Variants in PAK3 observed in about 807,000 individuals in gnomAD.
The protein encoded by PAK3 is p21 (RAC1) activated kinase 3.
In PAK3, 4 loss-of-function variants were observed where a neutral mutation model predicts 41.0. The ratio of observed to expected loss-of-function variants is 0.10; its 90% CI spans 0.05 to 0.22. PAK3 has a LOEUF of 0.22. PAK3 is among the 10% of genes least tolerant of loss of function. The pLI, the probability that PAK3 is intolerant of heterozygous loss-of-function variation, is 1.00. For synonymous variants in PAK3, 146 were observed against 139.6 expected, an observed-to-expected ratio of 1.05 and a Z score of -0.32; for missense variants, 205 against 409.9, an observed-to-expected ratio of 0.50 and a Z score of 4.32.
At chrX:111,070,342 T>G (rs2092734159) in intron 1 of PAK3, among the ~76,000 whole-genome samples, 1 of 111,149 alleles carries the variant, frequency 9.0e-6, no homozygotes, top group Non-Finnish European at 1.9e-5. Flanking sequence ...TGTGTATGCT[T>G]CCAGTGAGGT....
chrX:111,186,418 T>G (rs1227063480), intron 11 of PAK3, among the ~76,000 whole-genome samples: 6 of 111,637 alleles, frequency 5.4e-5, no homozygotes, highest in Non-Finnish European at 9.4e-5. Context: ...AAAATCTCCT[T>G]AAGCTGATAA....
chrX:111,165,495 C>G (rs190805521), intron 10 of PAK3, among the ~76,000 whole-genome samples: 9 of 112,223 alleles, frequency 8.0e-5, no homozygotes, highest in African/African-American at 2.6e-4. Flanking sequence ...AAAGTTTGAA[C>G]TGAGACCAGT....
At position 111,208,796 on chromosome X, in the gene PAK3, G is replaced by A. The variant is rs754664451; in HGVS notation, c.1408-7625G>A. ...ATGGCATTTACATTGTATTAGGTAGGTATCATAAACAATCCAGAGATGATT... is the reference window on the plus strand; with the variant it reads ...ATGGCATTTACATTGTATTAGGTAGATATCATAAACAATCCAGAGATGATT... On this transcript the variant is annotated intron_variant, in intron 16 of 17. Coordinates refer to ENST00000372007, the MANE Select transcript of PAK3 (RefSeq NM_002578.5). Among the ~76,000 whole-genome samples, 151 of 111,790 alleles carry A rather than the reference G, an allele frequency of 1.4e-3. 1 individual carries two copies. The highest frequency in any genetic ancestry group is 2.2e-3 in the Non-Finnish European group (119 of 53,162).
At chrX:110,971,713 G>A (rs2091211067) in intron 1 of PAK3, among the ~76,000 whole-genome samples, 1 of 110,574 alleles carries the variant, frequency 9.0e-6, no homozygotes, top group Non-Finnish European at 1.9e-5. Flanking sequence ...TTCTTTTCTT[G>A]ACTATGCTGT....
chrX:111,031,136 A>G (rs73537201), intron 1 of PAK3, among the ~76,000 whole-genome samples: 1,706 of 112,350 alleles, frequency 0.015, 31 homozygotes, highest in African/African-American at 0.053. Flanking sequence ...ACTGCAAGAC[A>G]TTTGTCTCAC....
intron 1 of PAK3, among the ~76,000 whole-genome samples, chrX:111,022,242 C>T (rs2092196770): frequency 9.0e-6 from 1 of 111,726 alleles, no homozygotes; most frequent in Non-Finnish European, 1.9e-5. Context: ...TATCTAAAGT[C>T]AAGACAAAGA....
intron 4 of PAK3, among the ~76,000 whole-genome samples, chrX:111,122,252 T>A: frequency 1.7e-5 from 1 of 59,734 alleles, no homozygotes; most frequent in Non-Finnish European, 2.7e-5. Flanking sequence ...TGAGACTCCA[T>A]CTGAAAAAAA....
rs916875781 is a variant in PAK3 at position 111,191,120 on chromosome X, T to G, written c.831-1007T>G. Reference sequence around the variant, plus strand: ...TTTTTTTGAGACATGGACTGGCTCATTATTAATTTTTTTGAGACACCAGGC... The same window carrying G: ...TTTTTTTGAGACATGGACTGGCTCAGTATTAATTTTTTTGAGACACCAGGC... On this transcript the variant is annotated intron_variant, in intron 11 of 17. Coordinates refer to ENST00000372007, the MANE Select transcript of PAK3 (RefSeq NM_002578.5). Among the ~76,000 whole-genome samples, 5 of 111,865 alleles carry G rather than the reference T, an allele frequency of 4.5e-5. No homozygotes were observed. The South Asian group carries it at 1.9e-3, about 42-fold the overall frequency.
chrX:111,012,390 T>C (rs1218479930), intron 1 of PAK3, among the ~76,000 whole-genome samples: 1 of 111,655 alleles, frequency 9.0e-6, no homozygotes. Flanking sequence ...AAATGGTGGG[T>C]TGTAATTTAT....
At chrX:111,071,697 A>G (rs1274978284) in intron 1 of PAK3, among the ~76,000 whole-genome samples, 3 of 112,163 alleles carry the variant, frequency 2.7e-5, no homozygotes, top group African/African-American at 6.5e-5. Context: ...TTTCTTGAAC[A>G]TGGCTTATTT....
intron 13 of PAK3, among the ~76,000 whole-genome samples, chrX:111,193,605 C>A (rs1168277418): frequency 9.0e-6 from 1 of 110,526 alleles, no homozygotes; most frequent in Non-Finnish European, 1.9e-5. Flanking sequence ...CCACCTTGGC[C>A]TCCCAAAGTG....
chrX:111,198,670 G>C (rs1166503178), intron 16 of PAK3, among the ~76,000 whole-genome samples: 1 of 110,734 alleles, frequency 9.0e-6, no homozygotes, highest in Non-Finnish European at 1.9e-5. Context: ...TCTCTCACCT[G>C]TCCTATTCAT....
rs746793475 is a variant in PAK3, at chrX:111,172,918, C to A, written c.767-100C>A. Reference sequence around the variant, plus strand: ...TCACTGACTCTGGCATCTTAATTTTCATTATTAAATTAAAAAACAGTCAAT... The same window carrying A: ...TCACTGACTCTGGCATCTTAATTTTAATTATTAAATTAAAAAACAGTCAAT... On this transcript the variant is annotated intron_variant, in intron 10 of 17. Transcript: ENST00000372007. The A allele has an allele frequency of 1.7e-4, 95 of 547,379 alleles. 2 individuals carry two copies. The South Asian group carries it at 2.4e-3, about 14-fold the overall frequency. 45.1% of individuals were successfully genotyped at this position (547,379 alleles called of 1,213,427 possible). A position where few individuals can be genotyped will look rare whatever the true frequency, so the allele number is the denominator to read the frequency against.
At chrX:110,972,686 C>A (rs986830697) in intron 1 of PAK3, among the ~76,000 whole-genome samples, 1 of 111,723 alleles carries the variant, frequency 9.0e-6, no homozygotes, top group African/African-American at 3.3e-5. Context: ...TCGCCAGCAA[C>A]GGAACAAAGC....
intron 1 of PAK3, among the ~76,000 whole-genome samples, chrX:110,956,328 C>A (rs762486193): frequency 3.5e-4 from 39 of 111,443 alleles, no homozygotes; most frequent in Non-Finnish European, 6.8e-4. Flanking sequence ...GGTACACAGA[C>A]GTGCTCAATA....
chrX:110,955,993 G>T (rs1485860390), intron 1 of PAK3, among the ~76,000 whole-genome samples: 1 of 112,087 alleles, frequency 8.9e-6, no homozygotes, highest in Non-Finnish European at 1.9e-5. Flanking sequence ...GTCTTGGAAA[G>T]TTTCTTAACC....
chrX:111,106,514 G>A (rs189564450), intron 4 of PAK3, among the ~76,000 whole-genome samples: 31 of 110,920 alleles, frequency 2.8e-4, no homozygotes, highest in Admixed American at 7.6e-4. Context: ...ACATGAACAC[G>A]TTGACACTTA....
In PAK3 at chrX:111,143,696, A is replaced by T. The variant is rs894357255; in HGVS notation, c.276+1500A>T. On this transcript the variant is annotated intron_variant, in intron 6 of 17. Transcript: ENST00000372007. ...CCTGAAAAACGTTCTATTTTTAAAA[A>T]ATTACAAAAAGATTGTAACTATTTT... Among the ~76,000 whole-genome samples the T allele has an allele frequency of 7.2e-5, 8 of 110,892 alleles. No homozygotes were observed. The Admixed American group carries it at 7.6e-4, about 11-fold the overall frequency.
chrX:111,119,455 T>C (rs924155436), intron 4 of PAK3, among the ~76,000 whole-genome samples: 2 of 112,327 alleles, frequency 1.8e-5, no homozygotes, highest in Non-Finnish European at 3.8e-5. Flanking sequence ...CAAGTTTCTG[T>C]ACTGTTACAG....
Sources: allele counts gnomAD v4.1 joint callset (sites outside exome capture counted in the v4.1 genomes callset), GRCh38; gene constraint gnomAD v4.1.1; transcripts MANE v1.5; gene names NCBI Gene and HGNC (gene_info 2026-07-23, HGNC 2026-07-21).